Variants in ZSCAN5A observed in about 807,000 individuals in gnomAD.
ZSCAN5A encodes zinc finger and SCAN domain containing 5A.
In ZSCAN5A, 12 loss-of-function variants were observed where a neutral mutation model predicts 23.7. The observed-to-expected ratio is 0.51, with a 90% confidence interval of 0.32 to 0.82. ZSCAN5A has a LOEUF of 0.82. Ranked by LOEUF, ZSCAN5A falls within the 40% of genes least tolerant of loss-of-function variation. The pLI is 0.03. For synonymous variants in ZSCAN5A, 257 were observed against 239.9 expected, an observed-to-expected ratio of 1.07 and a Z score of -0.66; for missense variants, 597 against 617.9, an observed-to-expected ratio of 0.97 and a Z score of 0.36.
At chr19:56,258,871 C>T (rs1380527500) in intron 2 of ZSCAN5A, among the ~76,000 whole-genome samples, 2 of 152,236 alleles carry the variant, frequency 1.3e-5, no homozygotes, top group East Asian at 1.9e-4. Flanking sequence ...CTTAAGTGCA[C>T]GAAGGCCTCA....
chr19:56,276,474 C>T (rs981204398), intron 2 of ZSCAN5A, among the ~76,000 whole-genome samples: 18 of 147,482 alleles, frequency 1.2e-4, no homozygotes, highest in East Asian at 5.9e-4. Flanking sequence ...CCACTGAACA[C>T]GCGAAAAAAA....
At chr19:56,290,778 T>TA (rs2039459342) in intron 2 of ZSCAN5A, among the ~76,000 whole-genome samples, 1 of 152,238 alleles carries the variant, frequency 6.6e-6, no homozygotes, top group Non-Finnish European at 1.5e-5. Context: ...CTGCTGATTC[T>TA]ATTCTCTTGC....
At chr19:56,361,515 C>T (rs1192542407) in intron 2 of ZSCAN5A, among the ~76,000 whole-genome samples, 1 of 152,108 alleles carries the variant, frequency 6.6e-6, no homozygotes, top group African/African-American at 2.4e-5. Flanking sequence ...CCATGGAGTA[C>T]TATGCAGCCA....
In ZSCAN5A at chr19:56,281,634, T is replaced by G. The variant is rs1422533834; in HGVS notation, c.-128+31649A>C. 3.2e-6 allele frequency: 3 copies of G among 938,000 alleles called. No individual in the cohort carries two copies. The African/African-American group carries it at 5.3e-5, about 17-fold the overall frequency. 58.1% of individuals were successfully genotyped at this position (938,000 alleles called of 1,614,324 possible). A position where few individuals can be genotyped will look rare whatever the true frequency, so the allele number is the denominator to read the frequency against. On this transcript the variant is annotated intron_variant, in intron 2 of 5. Transcript: ENST00000683990. ...TGGATGATGTTAATATTAATTCCACTCTCTTCCTTGAATTTTCCATGTTGA... is the reference window on the plus strand; with the variant it reads ...TGGATGATGTTAATATTAATTCCACGCTCTTCCTTGAATTTTCCATGTTGA...
At chr19:56,315,589 C>G (rs4801313), upstream of ZSCAN5A, 100,623 of 152,100 alleles carry the variant, frequency 0.66, 33,882 homozygotes, top group Middle Eastern at 0.78. Flanking sequence ...TGTGGGTTCT[C>G]AGCCAAGCTC....
intron 2 of ZSCAN5A, among the ~76,000 whole-genome samples, chr19:56,225,763 G>C (rs2146421939): frequency 6.6e-6 from 1 of 152,136 alleles, no homozygotes; most frequent in South Asian, 2.1e-4. Context: ...ACTAAGACAT[G>C]CACCATGTTG....
intron 2 of ZSCAN5A, among the ~76,000 whole-genome samples, chr19:56,322,747 G>A (rs930598409): frequency 6.6e-6 from 1 of 151,992 alleles, no homozygotes; most frequent in Non-Finnish European, 1.5e-5. Context: ...ATAAAATGAA[G>A]TACTATTTGC....
At chr19:56,315,165 G>C (rs2041279029), upstream of ZSCAN5A, 1 of 152,344 alleles carries the variant, frequency 6.6e-6, no homozygotes, top group Non-Finnish European at 1.5e-5. Context: ...TTTGCGGCCA[G>C]CGAGACGCCG....
At chr19:56,281,111 G>T (rs1486233487) in intron 2 of ZSCAN5A, among the ~76,000 whole-genome samples, 6 of 152,132 alleles carry the variant, frequency 3.9e-5, no homozygotes, top group African/African-American at 1.2e-4. Context: ...TACAATAAGG[G>T]AAGCTAGAGA....
At chr19:56,256,896 A>G (rs1384295296) in intron 2 of ZSCAN5A, among the ~76,000 whole-genome samples, 1 of 152,072 alleles carries the variant, frequency 6.6e-6, no homozygotes, top group African/African-American at 2.4e-5. Context: ...TGTTGCAGAT[A>G]GTGGTGAAAA....
intron 2 of ZSCAN5A, among the ~76,000 whole-genome samples, chr19:56,233,430 G>A (rs561243534): frequency 6.6e-6 from 1 of 152,228 alleles, no homozygotes; most frequent in African/African-American, 2.4e-5. Flanking sequence ...GGCACCTGGA[G>A]ATGATTGGAT....
intron 2 of ZSCAN5A, among the ~76,000 whole-genome samples, chr19:56,225,807 T>C (rs2032000228): frequency 2.0e-5 from 3 of 152,114 alleles, no homozygotes; most frequent in Admixed American, 2.0e-4. Flanking sequence ...TCCAGAATTA[T>C]CTCATCAACC....
intron 2 of ZSCAN5A, chr19:56,225,440 ATAGT>A (rs1295028023): frequency 1.2e-5 from 2 of 166,590 alleles, no homozygotes; most frequent in Non-Finnish European, 2.6e-5. Flanking sequence ...ATTAAATAAG[ATAGT>A]TAGGTGAAGC....
intron 2 of ZSCAN5A, chr19:56,244,028 T>C (rs748356984): frequency 1.7e-5 from 14 of 826,744 alleles, no homozygotes; most frequent in Non-Finnish European, 2.6e-5. Flanking sequence ...CTGACTGAAA[T>C]ATTCTCCACC....
intron 2 of ZSCAN5A, among the ~76,000 whole-genome samples, chr19:56,346,643 G>A (rs1483057076): frequency 6.6e-6 from 1 of 151,972 alleles, no homozygotes; most frequent in Non-Finnish European, 1.5e-5. Context: ...GGGGATAAGC[G>A]GAAGATAAAG....
chr19:56,296,696 A>G (rs73618157), intron 2 of ZSCAN5A, among the ~76,000 whole-genome samples: 1,557 of 152,258 alleles, frequency 0.01, 30 homozygotes, highest in African/African-American at 0.035. Context: ...ATTATGTCCT[A>G]TGGAGACAAT....
At chr19:56,354,569 G>C (rs10414377) in intron 2 of ZSCAN5A, 64,604 of 151,972 alleles carry the variant, frequency 0.43, 15,105 homozygotes, top group African/African-American at 0.63. Context: ...TATTCAGGAA[G>C]CTTTTGGATA....
chr19:56,245,209 T>C (rs749600289), intron 2 of ZSCAN5A: 27 of 569,566 alleles, frequency 4.7e-5, no homozygotes, highest in South Asian at 4.3e-4. Context: ...GATTGTCTTT[T>C]TTCTCTCTAC....
intron 2 of ZSCAN5A, among the ~76,000 whole-genome samples, chr19:56,328,848 A>G (rs554640683): frequency 1.2e-3 from 177 of 150,214 alleles, no homozygotes; most frequent in African/African-American, 4.3e-3. Flanking sequence ...AAAAAAAATT[A>G]GCTGGGCATG....
Sources: allele counts gnomAD v4.1 joint callset (sites outside exome capture counted in the v4.1 genomes callset), GRCh38; gene constraint gnomAD v4.1.1; transcripts MANE v1.5; gene names NCBI Gene and HGNC (gene_info 2026-07-23, HGNC 2026-07-21).